The following RSU1 variants were observed in gnomAD, a reference collection of about 807,000 sequenced individuals.
The protein encoded by RSU1 is rsu-1.
RSU1 carries 26 observed loss-of-function variants against 31.1 expected under a neutral mutation model. The observed-to-expected ratio is 0.84, with a 90% confidence interval of 0.61 to 1.16. RSU1 has a LOEUF of 1.16. RSU1 is among the 50% of genes most tolerant of loss of function. The pLI is 0.00. For missense variants in RSU1, 320 were observed against 339.1 expected, an observed-to-expected ratio of 0.94 and a Z score of 0.44; for synonymous variants, 164 against 136.3, an observed-to-expected ratio of 1.20 and a Z score of -1.41.
rs574465151 is a variant in RSU1 at position 16,789,914 on chromosome 10, G to A, written c.110-7830C>T. Among the ~76,000 whole-genome samples the A allele has an allele frequency of 5.4e-4, 82 of 152,266 alleles. 1 individual carries two copies. Among genetic ancestry groups the A allele is most frequent in the African/African-American group, 1.8e-3 (76 of 41,556 alleles). On this transcript the variant is annotated intron_variant, in intron 2 of 8. Transcript: ENST00000345264. Reference sequence around the variant, plus strand: ...TCAGTAACTAAGAAAACGTGTTGACGTGCACAGTTAAATACTACAGTGCCT... The same window carrying A: ...TCAGTAACTAAGAAAACGTGTTGACATGCACAGTTAAATACTACAGTGCCT...
At chr10:16,660,328 T>C (rs1418843239) in intron 8 of RSU1, among the ~76,000 whole-genome samples, 1 of 152,120 alleles carries the variant, frequency 6.6e-6, no homozygotes, top group Non-Finnish European at 1.5e-5. Context: ...AACATAAAGT[T>C]CACGCTACCT....
At chr10:16,813,690 C>G (rs959845589) in intron 2 of RSU1, among the ~76,000 whole-genome samples, 1 of 152,170 alleles carries the variant, frequency 6.6e-6, no homozygotes, top group Admixed American at 6.6e-5. Context: ...CCACGTCTAT[C>G]CAAATCCAGG....
rs1229338458 is a variant in RSU1, at chr10:16,593,161, C to T, written c.*233G>A. 4.5e-6 allele frequency: 3 copies of T among 671,760 alleles called. No homozygotes were observed. The highest frequency in any genetic ancestry group is 6.5e-6 in the Non-Finnish European group (3 of 459,924). 41.6% of individuals were successfully genotyped at this position (671,760 alleles called of 1,614,324 possible). On this transcript the variant is annotated 3_prime_UTR_variant, in exon 9 of 9. Transcript: ENST00000345264. ...TCGCAGTTGAATAAGAGCTTTGTTC[C>T]CTGCTTTTGGTAATGTTAAAGAAAC...
At chr10:16,763,820 C>A (rs1837257096) in intron 4 of RSU1, among the ~76,000 whole-genome samples, 1 of 152,214 alleles carries the variant, frequency 6.6e-6, no homozygotes, top group Non-Finnish European at 1.5e-5. Flanking sequence ...AAGCAATACA[C>A]AAAAATAGAT....
intron 7 of RSU1, among the ~76,000 whole-genome samples, chr10:16,732,560 C>T (rs950988959): frequency 2.6e-5 from 4 of 152,182 alleles, no homozygotes; most frequent in African/African-American, 9.7e-5. Flanking sequence ...GATTTCCCAG[C>T]CCAAAGAACC....
intron 8 of RSU1, among the ~76,000 whole-genome samples, chr10:16,617,008 A>T (rs1833988900): frequency 6.6e-6 from 1 of 152,198 alleles, no homozygotes; most frequent in East Asian, 1.9e-4. Context: ...AGGCAAGAGA[A>T]GGAAAGTATT....
chr10:16,766,393 G>A (rs1837315460), intron 3 of RSU1, among the ~76,000 whole-genome samples: 1 of 152,162 alleles, frequency 6.6e-6, no homozygotes, highest in African/African-American at 2.4e-5. Context: ...GTAAATGAAT[G>A]GTATTCACTG....
At chr10:16,682,532 T>TCATACACACACACACA (rs1835345408) in intron 8 of RSU1, among the ~76,000 whole-genome samples, 2 of 46,622 alleles carry the variant, frequency 4.3e-5, no homozygotes, top group African/African-American at 2.0e-4. Context: ...TTAAAATCAT[T>TCATACACACACACACA]CATACACACA....
At chr10:16,757,418 G>A (rs1837119283) in intron 4 of RSU1, among the ~76,000 whole-genome samples, 1 of 152,052 alleles carries the variant, frequency 6.6e-6, no homozygotes, top group South Asian at 2.1e-4. Context: ...AAAGGGAAAC[G>A]CGGGTTCCCC....
intron 8 of RSU1, among the ~76,000 whole-genome samples, chr10:16,600,799 C>T (rs746282812): frequency 5.9e-5 from 9 of 152,078 alleles, no homozygotes; most frequent in Non-Finnish European, 1.2e-4. Context: ...GGGGTTCAAG[C>T]AATCCTCTCA....
Position 16,593,345 on chromosome 10 carries a change from G to GTGTT in RSU1, c.*45_*48dup, listed in dbSNP as rs767507352. ...GAGAGACAGGGCAAGAGAGAATGAA[G>GTGTT]TGTTGGAGAGAGAAGGTGCTGGAAG... On this transcript the variant is annotated 3_prime_UTR_variant, in exon 9 of 9. Coordinates refer to ENST00000345264, the MANE Select transcript of RSU1 (RefSeq NM_012425.4). 3.0e-5 allele frequency: 48 copies of GTGTT among 1,613,240 alleles called. No individual in the cohort carries two copies. The highest frequency in any genetic ancestry group is 3.9e-5 in the Non-Finnish European group (46 of 1,179,614).
intron 8 of RSU1, among the ~76,000 whole-genome samples, chr10:16,635,311 C>T (rs1338835083): frequency 6.6e-6 from 1 of 152,208 alleles, no homozygotes. Flanking sequence ...CATTCTCTAT[C>T]CCTCTGCTAA....
intron 8 of RSU1, among the ~76,000 whole-genome samples, chr10:16,636,576 A>C (rs1278199016): frequency 6.6e-6 from 1 of 152,026 alleles, no homozygotes; most frequent in African/African-American, 2.4e-5. Context: ...ATTTTGAAAA[A>C]ATTACTCTGA....
chr10:16,608,978 G>C (rs1833850022), intron 8 of RSU1, among the ~76,000 whole-genome samples: 1 of 152,064 alleles, frequency 6.6e-6, no homozygotes, highest in African/African-American at 2.4e-5. Context: ...GACTACAGGT[G>C]TGCATCATCA....
intron 8 of RSU1, among the ~76,000 whole-genome samples, chr10:16,676,944 G>C (rs1482057702): frequency 6.6e-6 from 1 of 152,168 alleles, no homozygotes; most frequent in Non-Finnish European, 1.5e-5. Flanking sequence ...CTAGCCCTGA[G>C]GGACTAAGGA....
At chr10:16,615,841 G>A (rs11254110) in intron 8 of RSU1, among the ~76,000 whole-genome samples, 23,166 of 152,080 alleles carry the variant, frequency 0.15, 1,761 homozygotes, top group Non-Finnish European at 0.16. Flanking sequence ...ACAAAGAGAC[G>A]ACATATCAGA....
intron 8 of RSU1, among the ~76,000 whole-genome samples, chr10:16,645,312 G>C (rs1397791366): frequency 6.6e-6 from 1 of 152,082 alleles, no homozygotes; most frequent in Non-Finnish European, 1.5e-5. Context: ...AGGTGGTTTT[G>C]TTTGTTTGCA....
chr10:16,695,300 A>G, intron 7 of RSU1, 145 bp from the exon 8 acceptor site: 1 of 711,160 alleles, frequency 1.4e-6, no homozygotes, highest in Non-Finnish European at 2.2e-6. Context: ...AAATTTCTTA[A>G]CCCAAGTCAT....
intron 8 of RSU1, among the ~76,000 whole-genome samples, chr10:16,658,124 TA>T (rs773128024): frequency 6.6e-6 from 1 of 152,248 alleles, no homozygotes; most frequent in Non-Finnish European, 1.5e-5. Flanking sequence ...TGGAGAATTT[TA>T]GCAGTTTGTG....
Sources: allele counts gnomAD v4.1 joint callset (sites outside exome capture counted in the v4.1 genomes callset), GRCh38; gene constraint gnomAD v4.1.1; transcripts MANE v1.5; gene names NCBI Gene and HGNC (gene_info 2026-07-23, HGNC 2026-07-21).